ABCC1: variants seen among roughly 807,000 people sequenced by gnomAD.
ABCC1 encodes the protein ATP binding cassette subfamily C member 1 (ABCC1 blood group).
In ABCC1, 83 loss-of-function variants were observed where a neutral mutation model predicts 172.9. The ratio of observed to expected loss-of-function variants is 0.48; its 90% confidence interval spans 0.40 to 0.58. The LOEUF (loss-of-function observed/expected upper bound fraction) is 0.58. Among genes scored for constraint, ABCC1 ranks in the 20% least tolerant of loss-of-function variants. The probability of loss-of-function intolerance (pLI) is 0.00; values close to 1 mark genes in which losing one functional copy is unlikely to be tolerated. For missense variants in ABCC1, 1,817 were observed against 2,002.7 expected, an observed-to-expected ratio of 0.91 and a Z score of 1.77; for synonymous variants, 937 against 825.2, an observed-to-expected ratio of 1.14 and a Z score of -2.32.
At chr16:15,962,354 ACT>A (rs2046152702) in intron 1 of ABCC1, among the ~76,000 whole-genome samples, 5 of 152,204 alleles carry the variant, frequency 3.3e-5, no homozygotes. Context: ...TGCTAATGTC[ACT>A]CTGATTTTTA....
At chr16:16,116,677 C>G (rs112629636) in intron 23 of ABCC1, among the ~76,000 whole-genome samples, 1,721 of 152,150 alleles carry the variant, frequency 0.011, 28 homozygotes, top group African/African-American at 0.04. Flanking sequence ...ATTCTCTTGC[C>G]TCAGCCTCCC....
chr16:15,984,715 A>G (rs988460752), intron 1 of ABCC1, among the ~76,000 whole-genome samples: 1 of 152,114 alleles, frequency 6.6e-6, no homozygotes, highest in African/African-American at 2.4e-5. Context: ...AAGTGCTGAG[A>G]TTACAGGCTT....
chr16:16,136,554 C>T lies in ABCC1; in HGVS notation c.4202C>T (p.Thr1401Met), dbSNP rs8057331. The T allele has an allele frequency of 1.1e-4, 172 of 1,614,160 alleles. No individual in the cohort carries two copies. The African/African-American group carries it at 1.9e-3, about 17-fold the overall frequency. Reference protein sequence around the residue: ...FSQYSDEEVWTSLELAHLKDF... With the variant: ...FSQYSDEEVWMSLELAHLKDF... ...CAGTACTCGGATGAAGAAGTCTGGA[C>T]GTCCCTGGAGCTGGCCCACCTGAAG... Residue 1401 changes from threonine to methionine, a missense_variant, in exon 29 of 31, where the codon ACG (threonine) becomes ATG (methionine). Coordinates refer to ENST00000399410, the MANE Select transcript of ABCC1 (RefSeq NM_004996.4).
chr16:16,062,299 G>A (rs2049951360), intron 12 of ABCC1, among the ~76,000 whole-genome samples: 1 of 152,170 alleles, frequency 6.6e-6, no homozygotes, highest in South Asian at 2.1e-4. Flanking sequence ...GGAAACCACA[G>A]CAGAAGATGC....
chr16:15,962,236 T>G (rs576760231), intron 1 of ABCC1, among the ~76,000 whole-genome samples: 4 of 152,346 alleles, frequency 2.6e-5, no homozygotes, highest in Admixed American at 1.3e-4. Context: ...TTTTGTTCAG[T>G]TTTTTAAAAG....
intron 9 of ABCC1, 133 bp downstream of exon 9, chr16:16,046,146 C>G (rs2049199368): frequency 2.0e-6 from 2 of 995,762 alleles, no homozygotes; most frequent in Admixed American, 4.5e-5. Flanking sequence ...GCTTCCGTGA[C>G]CTTAGGTGGC....
chr16:16,057,528 T>C (rs914252861), intron 12 of ABCC1, among the ~76,000 whole-genome samples: 5 of 146,830 alleles, frequency 3.4e-5, no homozygotes, highest in Non-Finnish European at 6.0e-5. Context: ...AATATTGTCA[T>C]CCATTGTAAA....
At chr16:16,061,047 C>G (rs7197454) in intron 12 of ABCC1, among the ~76,000 whole-genome samples, 3,704 of 152,144 alleles carry the variant, frequency 0.024, 135 homozygotes, top group African/African-American at 0.084. Flanking sequence ...GCCTCAGCGT[C>G]CGAGTAGCTG....
chr16:16,094,184 C>T (rs190295429), intron 19 of ABCC1: 435 of 263,052 alleles, frequency 1.7e-3, no homozygotes, highest in Admixed American at 3.3e-3. Context: ...TGGGTTAATC[C>T]GACCGACCCT....
rs754556988 is a variant in ABCC1, at chr16:16,068,132, C to T, written c.1678-24C>T. On this transcript the variant is annotated intron_variant, in intron 12 of 30. Transcript: ENST00000399410. ...TGACTCTCACTCGGGGCACAGCAGTCAGCACTGGGCGTTCTGCTTGCAGGT... is the reference window on the plus strand; with the variant it reads ...TGACTCTCACTCGGGGCACAGCAGTTAGCACTGGGCGTTCTGCTTGCAGGT... 15 of 1,613,714 alleles carry T rather than the reference C, an allele frequency of 9.3e-6. 1 individual carries two copies. The East Asian group carries it at 3.3e-4, about 36-fold the overall frequency.
chr16:16,071,832 ACT>A (rs1024904935), intron 14 of ABCC1, 103 bp downstream of exon 14: 37 of 1,071,822 alleles, frequency 3.5e-5, no homozygotes, highest in Non-Finnish European at 4.6e-5. Flanking sequence ...CTCAGGTTTG[ACT>A]CTGCCCAGCC....
At position 15,957,141 on chromosome 16, in the gene ABCC1, G is replaced by A. The variant is rs138574656; in HGVS notation, c.48+7342G>A. On this transcript the variant is annotated intron_variant, in intron 1 of 30. Coordinates refer to ENST00000399410, the MANE Select transcript of ABCC1 (RefSeq NM_004996.4). ...GTCACCCAGGCTGGAGTGCAGTGGCGCGACCTCAGCTCACTGCAGCCTCAA... is the reference window on the plus strand; with the variant it reads ...GTCACCCAGGCTGGAGTGCAGTGGCACGACCTCAGCTCACTGCAGCCTCAA... 9.5e-3 allele frequency among the ~76,000 whole-genome samples: 1,435 copies of A among 151,284 alleles called. 8 individuals carry two copies. Among genetic ancestry groups the A allele is most frequent in the Middle Eastern group, 0.038 (11 of 290 alleles).
chr16:15,989,379 C>G (rs1431307999), intron 1 of ABCC1, among the ~76,000 whole-genome samples: 2 of 152,162 alleles, frequency 1.3e-5, no homozygotes, highest in South Asian at 2.1e-4. Flanking sequence ...GTGCTTGCCT[C>G]CTGCTGTGTC....
At chr16:15,960,166 C>T (rs1277466570) in intron 1 of ABCC1, among the ~76,000 whole-genome samples, 2 of 152,124 alleles carry the variant, frequency 1.3e-5, no homozygotes, top group East Asian at 3.9e-4. Flanking sequence ...ACTGCAGTCT[C>T]GACCTCCCAG....
intron 11 of ABCC1, 33 bp from the exon 12 acceptor site, chr16:16,056,059 C>T (rs1379631285): frequency 1.9e-6 from 3 of 1,606,848 alleles, no homozygotes; most frequent in South Asian, 1.1e-5. Context: ...CCCAGGGTCG[C>T]CCCAGATGTG....
intron 3 of ABCC1, among the ~76,000 whole-genome samples, chr16:16,013,477 G>T (rs113774659): frequency 6.6e-6 from 1 of 151,808 alleles, no homozygotes; most frequent in African/African-American, 2.4e-5. Context: ...CACCATGTTG[G>T]CCAGGCTGGT....
chr16:15,965,058 C>T (rs2046214219), intron 1 of ABCC1, among the ~76,000 whole-genome samples: 1 of 152,084 alleles, frequency 6.6e-6, no homozygotes, highest in African/African-American at 2.4e-5. Context: ...GGCATATTAA[C>T]ATTTGAGTCT....
chr16:16,071,522 A>C, intron 13 of ABCC1, 120 bp from the exon 14 acceptor site: 3 of 700,222 alleles, frequency 4.3e-6, no homozygotes, highest in Non-Finnish European at 7.4e-6. Flanking sequence ...TGGGACCTTC[A>C]GAAATAAGGG....
At chr16:16,077,305 T>A (rs1269344180) in intron 15 of ABCC1, among the ~76,000 whole-genome samples, 1 of 152,228 alleles carries the variant, frequency 6.6e-6, no homozygotes, top group Non-Finnish European at 1.5e-5. Context: ...AAGGCCTGCA[T>A]TGAAAATTCA....
Sources: gnomAD v4.1 joint callset for allele counts (sites outside exome capture counted in the v4.1 genomes callset) on GRCh38, gnomAD v4.1.1 for gene constraint, MANE v1.5 for transcripts, NCBI Gene and HGNC (gene_info 2026-07-23, HGNC 2026-07-21) for gene names.